Variants in CACNG2 observed in about 807,000 individuals in gnomAD.
CACNG2 encodes the protein voltage-dependent calcium channel gamma-2 subunit.
Under a neutral mutation model 25.9 loss-of-function variants are expected in CACNG2, and 3 were observed. That is an observed-to-expected ratio of 0.12 (90% CI 0.05 to 0.30). The LOEUF (loss-of-function observed/expected upper bound fraction) is 0.30, where lower values mean the gene tolerates loss of function less well. CACNG2 is among the 10% of genes least tolerant of loss of function. The pLI is 1.00. For synonymous variants in CACNG2, 167 were observed against 173.3 expected (o/e 0.96, Z 0.29); for missense variants, 341 against 432.5 (o/e 0.79, Z 1.88).
rs914262619 is a variant in CACNG2 at position 36,563,638 on chromosome 22, A to G, written c.*713T>C. 6.6e-6 allele frequency among the ~76,000 whole-genome samples: 1 copy of G among 152,064 alleles called. No individual in the cohort carries two copies. Among genetic ancestry groups the G allele is most frequent in the African/African-American group, 2.4e-5 (1 of 41,414 alleles). On this transcript the variant is annotated 3_prime_UTR_variant, in exon 4 of 4. Coordinates refer to ENST00000300105, the MANE Select transcript of CACNG2 (RefSeq NM_006078.5). ...CAAGGGCTCGGTCACCTGGAGGCCT[A>G]CGATTGCCCCATCAATGCTGGGCGG...
At chr22:36,583,018 TG>T (rs1935445162) in intron 2 of CACNG2, among the ~76,000 whole-genome samples, 1 of 152,008 alleles carries the variant, frequency 6.6e-6, no homozygotes, top group African/African-American at 2.4e-5. Flanking sequence ...GCCCAAGCGT[TG>T]TGCGTTCCTG....
chr22:36,663,244 T>C (rs1294043133), intron 1 of CACNG2, among the ~76,000 whole-genome samples: 1 of 152,164 alleles, frequency 6.6e-6, no homozygotes, highest in Non-Finnish European at 1.5e-5. Context: ...GTAGCTGTTT[T>C]TCCCCTTTGA....
chr22:36,639,998 C>T (rs1304004482), intron 1 of CACNG2, among the ~76,000 whole-genome samples: 3 of 152,210 alleles, frequency 2.0e-5, no homozygotes, highest in African/African-American at 4.8e-5. Flanking sequence ...TGTGTATCAG[C>T]AGCATGAGCC....
chr22:36,644,045 C>T (rs7287114), intron 1 of CACNG2, among the ~76,000 whole-genome samples: 7,891 of 152,106 alleles, frequency 0.052, 663 homozygotes, highest in African/African-American at 0.17. Flanking sequence ...AATGGTCCCT[C>T]GGTGAAAGCT....
chr22:36,629,105 GACTTAGGGGA>G (rs1936229189), intron 1 of CACNG2, among the ~76,000 whole-genome samples: 1 of 152,180 alleles, frequency 6.6e-6, no homozygotes, highest in Admixed American at 6.5e-5. Flanking sequence ...CAAGAATAAG[GACTTAGGGGA>G]ACATTGGGAG....
At chr22:36,575,703 G>A (rs1010696535) in intron 2 of CACNG2, among the ~76,000 whole-genome samples, 3 of 152,150 alleles carry the variant, frequency 2.0e-5, no homozygotes, top group Non-Finnish European at 4.4e-5. Context: ...ATGGTCCCGT[G>A]CCCATCAAGA....
At chr22:36,701,039 C>T (rs1240263871) in intron 1 of CACNG2, among the ~76,000 whole-genome samples, 2 of 152,130 alleles carry the variant, frequency 1.3e-5, no homozygotes, top group Non-Finnish European at 2.9e-5. Flanking sequence ...CAGTTTCTCT[C>T]TCACCCATCC....
At chr22:36,670,604 GTTTT>G (rs1048884770) in intron 1 of CACNG2, among the ~76,000 whole-genome samples, 1 of 147,084 alleles carries the variant, frequency 6.8e-6, no homozygotes, top group African/African-American at 2.6e-5. Context: ...CCTGTTTTTT[GTTTT>G]TTTGTGTGTT....
chr22:36,653,988 G>GTA (rs1487332943), intron 1 of CACNG2, among the ~76,000 whole-genome samples: 1 of 145,170 alleles, frequency 6.9e-6, no homozygotes, highest in Admixed American at 6.9e-5. Flanking sequence ...GTCTCTGTGT[G>GTA]TGTGTGTGTG....
intron 1 of CACNG2, among the ~76,000 whole-genome samples, chr22:36,630,714 G>T (rs1936254914): frequency 6.6e-6 from 1 of 151,936 alleles, no homozygotes; most frequent in Non-Finnish European, 1.5e-5. Context: ...TGTTTGCATG[G>T]AAGGATGTGG....
chr22:36,646,859 G>T (rs1287116778), intron 1 of CACNG2, among the ~76,000 whole-genome samples: 1 of 151,546 alleles, frequency 6.6e-6, no homozygotes, highest in Non-Finnish European at 1.5e-5. Flanking sequence ...ATGAAGGAAA[G>T]AATAAATGAA....
At chr22:36,613,759 A>G (rs1200233793) in intron 1 of CACNG2, among the ~76,000 whole-genome samples, 1 of 151,870 alleles carries the variant, frequency 6.6e-6, no homozygotes, top group East Asian at 1.9e-4. Flanking sequence ...CCCCGTGAAT[A>G]TCCCACAGAT....
intron 2 of CACNG2, among the ~76,000 whole-genome samples, chr22:36,582,326 C>T (rs560230486): frequency 1.9e-4 from 29 of 152,216 alleles, no homozygotes; most frequent in African/African-American, 6.5e-4. Flanking sequence ...TCTTGTCTCA[C>T]GGGGCTCAGT....
intron 1 of CACNG2, among the ~76,000 whole-genome samples, chr22:36,674,037 A>G (rs1329454600): frequency 6.6e-6 from 1 of 152,242 alleles, no homozygotes; most frequent in Non-Finnish European, 1.5e-5. Context: ...CGCATGATCA[A>G]GTAAGACACA....
At chr22:36,617,663 T>G (rs1168266109) in intron 1 of CACNG2, among the ~76,000 whole-genome samples, 2 of 148,284 alleles carry the variant, frequency 1.3e-5, no homozygotes, top group Admixed American at 1.4e-4. Context: ...CAGTCTCTTT[T>G]CCCATCTTAA....
rs1415078543 is a variant in CACNG2, at chr22:36,702,719, ATATGGAGAGT to A, written c.-153_-144del. On this transcript the variant is annotated 5_prime_UTR_variant, in exon 1 of 4. Coordinates refer to ENST00000300105, the MANE Select transcript of CACNG2 (RefSeq NM_006078.5). ...TAATGGATATATGTATGAATAGAGA[ATATGGAGAGT>A]TATAAAAAAAGGGAGGTAAGAAAGC... The A allele has an allele frequency of 6.2e-6, 4 of 642,866 alleles. No individual in the cohort carries two copies. Among genetic ancestry groups the A allele is most frequent in the African/African-American group, 5.5e-5 (3 of 54,464 alleles). 39.8% of individuals were successfully genotyped at this position (642,866 alleles called of 1,614,324 possible).
At chr22:36,568,596 G>GTATTTTTA (rs1217881934) in intron 2 of CACNG2, among the ~76,000 whole-genome samples, 29 of 151,854 alleles carry the variant, frequency 1.9e-4, no homozygotes, top group Non-Finnish European at 4.1e-4. Context: ...GTAGAGACGG[G>GTATTTTTA]GTTTCGCTAT....
At chr22:36,664,715 A>G (rs1936849501) in intron 1 of CACNG2, among the ~76,000 whole-genome samples, 1 of 152,216 alleles carries the variant, frequency 6.6e-6, no homozygotes, top group Non-Finnish European at 1.5e-5. Flanking sequence ...AAGTGTGCTC[A>G]AATAAGGCAT....
chr22:36,632,858 A>T (rs894237775), intron 1 of CACNG2, among the ~76,000 whole-genome samples: 1 of 151,858 alleles, frequency 6.6e-6, no homozygotes, highest in African/African-American at 2.4e-5. Context: ...AAGCCTCCTT[A>T]TCTCAGCCCA....
Sources: gnomAD v4.1 joint callset for allele counts (sites outside exome capture counted in the v4.1 genomes callset) on GRCh38, gnomAD v4.1.1 for gene constraint, MANE v1.5 for transcripts, NCBI Gene and HGNC (gene_info 2026-07-23, HGNC 2026-07-21) for gene names.